The following IFT81 variants were observed in gnomAD, a reference collection of about 807,000 sequenced individuals.
The protein encoded by IFT81 is intraflagellar transport 81, also known as intraflagellar transport protein 81 homolog.
Under a neutral mutation model 102.6 loss-of-function variants are expected in IFT81, and 72 were observed. The observed-to-expected ratio is 0.70, with a 90% CI of 0.58 to 0.85. The LOEUF (loss-of-function observed/expected upper bound fraction) is 0.85. Ranked by LOEUF, IFT81 falls within the 40% of genes least tolerant of loss-of-function variation. IFT81 has a pLI of 0.00. For synonymous variants in IFT81, 237 were observed against 242.7 expected, an observed-to-expected ratio of 0.98 and a Z score of 0.22; for missense variants, 723 against 787.3, an observed-to-expected ratio of 0.92 and a Z score of 0.98.
At chr12:110,143,706 T>A (rs1358725231) in intron 9 of IFT81, among the ~76,000 whole-genome samples, 161 bp downstream of exon 9, 1 of 152,214 alleles carries the variant, frequency 6.6e-6, no homozygotes. Context: ...TGAGGAATTA[T>A]AGAATGTTAT....
intron 18 of IFT81, among the ~76,000 whole-genome samples, chr12:110,211,157 G>A (rs1869375162): frequency 6.7e-6 from 1 of 149,912 alleles, no homozygotes; most frequent in African/African-American, 2.5e-5. Flanking sequence ...ACGACACCTG[G>A]ACTTCGTATT....
At chr12:110,212,260 A>AT (rs1869552207) in intron 18 of IFT81, among the ~76,000 whole-genome samples, 1 of 142,636 alleles carries the variant, frequency 7.0e-6, no homozygotes, top group Non-Finnish European at 1.5e-5. Flanking sequence ...AAAAAAAAAA[A>AT]CTTGGCTGGG....
intron 17 of IFT81, among the ~76,000 whole-genome samples, chr12:110,208,837 T>C (rs1260151247): frequency 6.6e-6 from 1 of 152,230 alleles, no homozygotes; most frequent in Non-Finnish European, 1.5e-5. Flanking sequence ...CTTTCTCCTT[T>C]CTACAAACCT....
intron 12 of IFT81, among the ~76,000 whole-genome samples, chr12:110,182,028 G>A (rs924440459): frequency 6.6e-6 from 1 of 152,208 alleles, no homozygotes; most frequent in Non-Finnish European, 1.5e-5. Flanking sequence ...GTACCCCATG[G>A]CAGTCAGTCA....
chr12:110,140,764 C>A (rs1014923682), intron 8 of IFT81, among the ~76,000 whole-genome samples: 1 of 152,158 alleles, frequency 6.6e-6, no homozygotes, highest in African/African-American at 2.4e-5. Flanking sequence ...ACTCCTGTTG[C>A]CCAGGCTGGA....
chr12:110,124,727 G>A lies in IFT81; in HGVS notation c.-156G>A, dbSNP rs1893726820. Reference sequence around the variant, plus strand: ...CCCGGGGAGGGGGACACTATTTCTGGTACTCCCAGGAGGCTGCGGGTCGAT... The same window carrying A: ...CCCGGGGAGGGGGACACTATTTCTGATACTCCCAGGAGGCTGCGGGTCGAT... On this transcript the variant is annotated 5_prime_UTR_variant, in exon 1 of 19. Transcript: ENST00000242591. 2 of 152,288 alleles carry A rather than the reference G, an allele frequency of 1.3e-5. No homozygotes were observed. The highest frequency in any genetic ancestry group is 6.5e-5 in the Admixed American group (1 of 15,282). 9.4% of individuals were successfully genotyped at this position (152,288 alleles called of 1,614,324 possible). A position where few individuals can be genotyped will look rare whatever the true frequency, so the allele number is the denominator to read the frequency against.
chr12:110,133,050 A>G (rs572696357), intron 5 of IFT81, among the ~76,000 whole-genome samples: 1 of 148,922 alleles, frequency 6.7e-6, no homozygotes, highest in East Asian at 2.0e-4. Flanking sequence ...AGCTCACTAC[A>G]GTCTCGACAT....
chr12:110,176,420 T>A (rs983864249), intron 11 of IFT81, among the ~76,000 whole-genome samples: 3 of 152,218 alleles, frequency 2.0e-5, no homozygotes, highest in Non-Finnish European at 4.4e-5. Flanking sequence ...TTTTTACTCT[T>A]ATTCTCATCT....
At chr12:110,127,635 T>C in intron 2 of IFT81, 111 bp downstream of exon 2, 1 of 962,720 alleles carries the variant, frequency 1.0e-6, no homozygotes, top group African/African-American at 1.7e-5. Flanking sequence ...ATTTTCCATG[T>C]CTGTAAAGTA....
intron 1 of IFT81, among the ~76,000 whole-genome samples, chr12:110,125,463 C>T (rs940849840): frequency 6.6e-6 from 1 of 152,152 alleles, no homozygotes; most frequent in Non-Finnish European, 1.5e-5. Context: ...GGCGCGATCT[C>T]GGCTCACTGC....
chr12:110,173,773 G>C (rs371222952), intron 11 of IFT81, among the ~76,000 whole-genome samples: 34 of 152,170 alleles, frequency 2.2e-4, no homozygotes, highest in East Asian at 1.9e-4. Context: ...GCAGCATGCT[G>C]GTTAAGAGTC....
intron 14 of IFT81, among the ~76,000 whole-genome samples, chr12:110,197,555 CATATATATATATATAT>C (rs141544205): frequency 1.8e-5 from 2 of 108,818 alleles, no homozygotes; most frequent in Non-Finnish European, 3.8e-5. Context: ...AGGTTTTTAT[CATATATATATATATAT>C]ATATATATAT....
chr12:110,135,882 A>C (rs1894474569), intron 7 of IFT81, among the ~76,000 whole-genome samples: 1 of 152,048 alleles, frequency 6.6e-6, no homozygotes, highest in Non-Finnish European at 1.5e-5. Context: ...AAAAAAAAAA[A>C]AAAGATAAAT....
At chr12:110,174,387 G>A (rs1298968228) in intron 11 of IFT81, among the ~76,000 whole-genome samples, 3 of 150,354 alleles carry the variant, frequency 2.0e-5, no homozygotes, top group Admixed American at 6.6e-5. Context: ...CCTGGGAGGC[G>A]GAGGTTGCAG....
At chr12:110,142,499 C>A (rs2137354305) in intron 8 of IFT81, among the ~76,000 whole-genome samples, 1 of 152,120 alleles carries the variant, frequency 6.6e-6, no homozygotes, top group East Asian at 1.9e-4. Flanking sequence ...ACTTGTGGTG[C>A]TTTTAGTAAT....
At chr12:110,205,223 G>T in intron 15 of IFT81, 1 of 358,330 alleles carries the variant, frequency 2.8e-6, no homozygotes. Context: ...GACAGAGTGA[G>T]ACTCTGTCTC....
rs546276692 is a variant in IFT81, at chr12:110,129,664, A to G, written c.429+534A>G. Among the ~76,000 whole-genome samples the G allele has an allele frequency of 2.6e-5, 4 of 152,170 alleles. No individual in the cohort carries two copies. The South Asian group carries it at 8.3e-4, about 32-fold the overall frequency. On this transcript the variant is annotated intron_variant, in intron 4 of 18. Transcript: ENST00000242591. ...ATTCCGGAGTTTGAAATCTCAGTGC[A>G]CCTTTCTTGCCAAGGTTTTGGAGTA... is the stretch of plus-strand genomic sequence containing the variant.
Position 110,179,217 on chromosome 12 carries a change from G to A in IFT81, c.1189-1205G>A, listed in dbSNP as rs1897178945. Among the ~76,000 whole-genome samples the A allele has an allele frequency of 2.0e-5, 3 of 152,072 alleles. No homozygotes were observed. The South Asian group carries it at 6.2e-4, about 32-fold the overall frequency. On this transcript the variant is annotated intron_variant, in intron 11 of 18. Transcript: ENST00000242591. The stretch of plus-strand genomic sequence containing the variant: ...GTAGCTACAAGTGTTGATGGTTCCG[G>A]TTGGCTATATTAGTCCCAGTAGTCC...
intron 12 of IFT81, among the ~76,000 whole-genome samples, chr12:110,183,246 G>C (rs1227147377): frequency 5.9e-5 from 9 of 152,186 alleles, no homozygotes; most frequent in African/African-American, 2.2e-4. Context: ...CAATGGGCAA[G>C]AAAGGCAAAC....
Sources: allele counts gnomAD v4.1 joint callset (sites outside exome capture counted in the v4.1 genomes callset), GRCh38; gene constraint gnomAD v4.1.1; transcripts MANE v1.5; gene names NCBI Gene and HGNC (gene_info 2026-07-23, HGNC 2026-07-21).